Variants in RIN3 observed in about 807,000 individuals in gnomAD.
RIN3 encodes the protein RAB5 interacting protein 3.
RIN3 carries 54 observed loss-of-function variants against 76.3 expected under a neutral mutation model. The observed-to-expected ratio is 0.71, with a 90% CI of 0.57 to 0.89. The LOEUF (loss-of-function observed/expected upper bound fraction) is 0.89, where lower values mean the gene tolerates loss of function less well. Among genes scored for constraint, RIN3 ranks in the 40% least tolerant of loss-of-function variants. The pLI is 0.00. For synonymous variants in RIN3, 576 were observed against 564.0 expected, an observed-to-expected ratio of 1.02 and a Z score of -0.30; for missense variants, 1,256 against 1,322.1, an observed-to-expected ratio of 0.95 and a Z score of 0.78.
At chr14:92,525,024 T>C (rs1399002532) in intron 1 of RIN3, among the ~76,000 whole-genome samples, 1 of 152,232 alleles carries the variant, frequency 6.6e-6, no homozygotes, top group Non-Finnish European at 1.5e-5. Flanking sequence ...GCAGGGCCGC[T>C]GTACACCGTT....
chr14:92,603,095 G>T (rs1885402268), intron 3 of RIN3, among the ~76,000 whole-genome samples: 2 of 152,190 alleles, frequency 1.3e-5, no homozygotes, highest in South Asian at 4.1e-4. Context: ...CCAGGGCCCT[G>T]GTGGGTGGAG....
intron 2 of RIN3, among the ~76,000 whole-genome samples, chr14:92,567,070 C>T (rs1897934182): frequency 6.6e-6 from 1 of 152,158 alleles, no homozygotes. Context: ...GGCTCTGACA[C>T]TAATAAGTGA....
At chr14:92,663,190 G>T (rs1887951864) in intron 7 of RIN3, among the ~76,000 whole-genome samples, 2 of 152,180 alleles carry the variant, frequency 1.3e-5, no homozygotes, top group Non-Finnish European at 2.9e-5. Flanking sequence ...CTACATTGTG[G>T]AATGACTAAA....
At chr14:92,527,019 T>C (rs1346413431) in intron 1 of RIN3, among the ~76,000 whole-genome samples, 1 of 150,870 alleles carries the variant, frequency 6.6e-6, no homozygotes, top group East Asian at 2.0e-4. Flanking sequence ...CTGTGTTCTC[T>C]CTGTGTCTGT....
chr14:92,673,034 C>G (rs572779244), intron 7 of RIN3, among the ~76,000 whole-genome samples: 1 of 151,920 alleles, frequency 6.6e-6, no homozygotes, highest in East Asian at 1.9e-4. Context: ...TTTAATCCAG[C>G]GCTTTGGGAG....
chr14:92,590,101 C>T (rs1566857251), intron 3 of RIN3, among the ~76,000 whole-genome samples: 1 of 152,186 alleles, frequency 6.6e-6, no homozygotes, highest in Non-Finnish European at 1.5e-5. Context: ...GTTAAAACTC[C>T]AGGGAAGCCA....
rs535724254 is a variant in RIN3, at chr14:92,656,021, C to T, written c.2026+2946C>T. On this transcript the variant is annotated intron_variant, in intron 6 of 9. Coordinates refer to ENST00000216487, the MANE Select transcript of RIN3 (RefSeq NM_024832.5). The surrounding 1 kb of genome is among the most constrained non-coding windows in gnomAD (Gnocchi z 5.2). Reference sequence around the variant, plus strand: ...AGCCATGAGACTGGATGAGATCATCCGGGTCTGAGGACTGAGCCACAGGCA... The same window carrying T: ...AGCCATGAGACTGGATGAGATCATCTGGGTCTGAGGACTGAGCCACAGGCA... Among the ~76,000 whole-genome samples, 30 of 152,250 alleles carry T rather than the reference C, an allele frequency of 2.0e-4. No individual in the cohort carries two copies. The highest frequency in any genetic ancestry group is 6.5e-4 in the African/African-American group (27 of 41,538).
At chr14:92,537,684 G>T (rs189280983) in intron 1 of RIN3, among the ~76,000 whole-genome samples, 1 of 111,696 alleles carries the variant, frequency 9.0e-6, no homozygotes, top group African/African-American at 3.4e-5. Flanking sequence ...TTGCTCTGTC[G>T]CCCAGGCTGT....
In RIN3 at chr14:92,660,376, G is replaced by T. The variant is rs1303999543; in HGVS notation, c.2335+907G>T. ...GGACGGCCTTGCCCACATGCTGGGT[G>T]GTTGGTTGGCTGTTGGCTGCTCTGG... On this transcript the variant is annotated intron_variant, in intron 7 of 9. Coordinates refer to ENST00000216487, the MANE Select transcript of RIN3 (RefSeq NM_024832.5). 1.3e-5 allele frequency among the ~76,000 whole-genome samples: 2 copies of T among 152,196 alleles called. 1 individual carries two copies. Among genetic ancestry groups the T allele is most frequent in the East Asian group, 3.8e-4 (2 of 5,206 alleles).
At position 92,659,473 on chromosome 14, in the gene RIN3, A is replaced by C; in HGVS notation, c.2335+4A>C. On this transcript the variant is annotated splice_donor_region_variant and intron_variant, in intron 7 of 9. Coordinates refer to ENST00000216487, the MANE Select transcript of RIN3 (RefSeq NM_024832.5). ...TCCATGGCCCTCGGCAACCCAGGTC[A>C]GTGGGCAGCCGGGAGGGGTCTGGGT... 6.3e-7 allele frequency: 1 copy of C among 1,592,368 alleles called. No individual in the cohort carries two copies. Among genetic ancestry groups the C allele is most frequent in the Non-Finnish European group, 8.5e-7 (1 of 1,169,624 alleles).
chr14:92,522,142 C>T (rs1896617815), intron 1 of RIN3, among the ~76,000 whole-genome samples: 1 of 152,098 alleles, frequency 6.6e-6, no homozygotes, highest in South Asian at 2.1e-4. Context: ...GACCACAGTT[C>T]TGTTCTTCCG....
chr14:92,576,085 G>A (rs996024798), intron 2 of RIN3: 2 of 479,116 alleles, frequency 4.2e-6, no homozygotes, highest in Non-Finnish European at 3.3e-6. Flanking sequence ...GAGCAGGGAG[G>A]GGAAGACATG....
At chr14:92,590,644 G>C (rs1884947118) in intron 3 of RIN3, among the ~76,000 whole-genome samples, 1 of 152,136 alleles carries the variant, frequency 6.6e-6, no homozygotes. Flanking sequence ...CCCAGTCTCA[G>C]ATATTTCTTT....
rs1047218390 is a variant in RIN3, at chr14:92,612,124, T to G, written c.368-3283T>G. 2.0e-5 allele frequency among the ~76,000 whole-genome samples: 3 copies of G among 152,002 alleles called. No homozygotes were observed. The South Asian group carries it at 6.2e-4, about 32-fold the overall frequency. On this transcript the variant is annotated intron_variant, in intron 3 of 9. Coordinates refer to ENST00000216487, the MANE Select transcript of RIN3 (RefSeq NM_024832.5). ...TCCCACCAGGCCCCACCTCCAACACTGGGGATTACAATTGCACATGAGATT... is the reference window on the plus strand; with the variant it reads ...TCCCACCAGGCCCCACCTCCAACACGGGGGATTACAATTGCACATGAGATT...
intron 1 of RIN3, among the ~76,000 whole-genome samples, chr14:92,545,808 AC>A (rs1876370943): frequency 6.6e-6 from 1 of 152,000 alleles, no homozygotes; most frequent in African/African-American, 2.4e-5. Context: ...TACCCCACAT[AC>A]TTCAGTGGGT....
chr14:92,525,236 C>T (rs1896698518), intron 1 of RIN3, among the ~76,000 whole-genome samples: 1 of 152,224 alleles, frequency 6.6e-6, no homozygotes, highest in African/African-American at 2.4e-5. Flanking sequence ...ACCCCAGCCA[C>T]AGAAGAGCCG....
intron 3 of RIN3, among the ~76,000 whole-genome samples, chr14:92,602,899 AC>A (rs889144831): frequency 3.3e-5 from 5 of 152,062 alleles, no homozygotes; most frequent in African/African-American, 1.2e-4. Flanking sequence ...ATCCCTTAGA[AC>A]CCTTCCATTC....
At position 92,514,141 on chromosome 14, in the gene RIN3, G is replaced by A. The variant is rs114278939; in HGVS notation, c.44+165G>A. ...GGCCGAGGCCAGAACCTGGTTCTGC[G>A]GGGCAGGGGGCGGCCCTGGTGACTC... On this transcript the variant is annotated intron_variant, in intron 1 of 9. Coordinates refer to ENST00000216487, the MANE Select transcript of RIN3 (RefSeq NM_024832.5). The surrounding 1 kb of genome is among the most constrained non-coding windows in gnomAD (Gnocchi z 7.2). Among the ~76,000 whole-genome samples the A allele has an allele frequency of 0.029, 4,392 of 152,326 alleles. 234 individuals carry two copies. Among genetic ancestry groups the A allele is most frequent in the African/African-American group, 0.099 (4,123 of 41,568 alleles).
At chr14:92,518,158 C>T (rs1192405074) in intron 1 of RIN3, among the ~76,000 whole-genome samples, 1 of 152,208 alleles carries the variant, frequency 6.6e-6, no homozygotes, top group East Asian at 1.9e-4. Context: ...TATTCATAGC[C>T]TTTTTCACAT....
Sources: gnomAD v4.1 joint callset for allele counts (sites outside exome capture counted in the v4.1 genomes callset) on GRCh38, gnomAD v4.1.1 for gene constraint, Gnocchi (gnomAD v3.1) non-coding constraint, MANE v1.5 for transcripts, NCBI Gene and HGNC (gene_info 2026-07-23, HGNC 2026-07-21) for gene names.